FAM186A: variants seen among roughly 807,000 people sequenced by gnomAD.
FAM186A encodes family with sequence similarity 186 member A.
A neutral mutation model predicts 216.8 loss-of-function variants in FAM186A; 163 were observed. The ratio of observed to expected loss-of-function variants is 0.75; its 90% CI spans 0.66 to 0.86. The LOEUF is 0.86. Among genes scored for constraint, FAM186A ranks in the 40% least tolerant of loss-of-function variants. FAM186A has a pLI of 0.00. For synonymous variants in FAM186A, 805 were observed against 1,025.3 expected (o/e 0.79, Z 4.10); for missense variants, 2,184 against 2,746.2 (o/e 0.80, Z 4.58).
At chr12:50,337,435 A>G (rs1441907815) in intron 4 of FAM186A, among the ~76,000 whole-genome samples, 3 of 148,128 alleles carry the variant, frequency 2.0e-5, no homozygotes, top group African/African-American at 7.4e-5. Context: ...AGCTGGGACT[A>G]TAGGCACACC....
rs1004885603 is a variant in FAM186A, at chr12:50,396,506, G to A, written c.-22C>T. The A allele has an allele frequency of 2.8e-5, 43 of 1,526,908 alleles. No individual in the cohort carries two copies. The highest frequency in any genetic ancestry group is 1.8e-4 in the South Asian group (14 of 79,848). 94.6% of individuals were successfully genotyped at this position (1,526,908 alleles called of 1,614,324 possible). A position where few individuals can be genotyped will look rare whatever the true frequency, so the allele number is the denominator to read the frequency against. On this transcript the variant is annotated 5_prime_UTR_variant, in exon 1 of 8. It adds an upstream start codon to the 5' untranslated region. Coordinates refer to ENST00000327337, the MANE Select transcript of FAM186A (RefSeq NM_001145475.3). ...ACATTTTGAAAATGTGGGTGATTTC[G>A]TTTTATTTCTTCTTTTTCACAGAAT...
intron 4 of FAM186A, among the ~76,000 whole-genome samples, chr12:50,338,197 A>G (rs546985880): frequency 6.6e-5 from 10 of 152,008 alleles, no homozygotes; most frequent in Admixed American, 5.9e-4. Context: ...AACCCTTTCA[A>G]CCTTTCATTT....
chr12:50,345,522 G>A (rs893255214), intron 4 of FAM186A, among the ~76,000 whole-genome samples: 4 of 152,210 alleles, frequency 2.6e-5, no homozygotes, highest in African/African-American at 4.8e-5. Flanking sequence ...GTTAATTTTT[G>A]TATATGGTGA....
intron 6 of FAM186A, among the ~76,000 whole-genome samples, chr12:50,331,259 T>G (rs547132962): frequency 2.0e-5 from 3 of 152,282 alleles, no homozygotes; most frequent in South Asian, 2.1e-4. Context: ...TCTTTTTTTT[T>G]GAGACAGAGT....
At chr12:50,360,970 AATAACT>A in intron 2 of FAM186A, 44 bp from the exon 3 acceptor site, 1 of 1,434,478 alleles carries the variant, frequency 7.0e-7, no homozygotes, top group Non-Finnish European at 9.4e-7. Context: ...CAGAAAAATA[AATAACT>A]ATAGCTACAT....
chr12:50,388,210 C>T (rs1436130614), intron 1 of FAM186A, among the ~76,000 whole-genome samples: 1 of 152,134 alleles, frequency 6.6e-6, no homozygotes, highest in African/African-American at 2.4e-5. Context: ...CCAGTCCCAT[C>T]CTGAAGCTAG....
At chr12:50,387,936 G>A (rs1322917080) in intron 1 of FAM186A, among the ~76,000 whole-genome samples, 1 of 152,096 alleles carries the variant, frequency 6.6e-6, no homozygotes, top group Non-Finnish European at 1.5e-5. Flanking sequence ...ATCTGCCTAC[G>A]TGATTTCTTC....
At chr12:50,382,514 A>T (rs1318715098) in intron 1 of FAM186A, among the ~76,000 whole-genome samples, 2 of 152,120 alleles carry the variant, frequency 1.3e-5, no homozygotes, top group Non-Finnish European at 2.9e-5. Context: ...AGCCTGGCCA[A>T]CATGGTGAAA....
chr12:50,389,372 T>C (rs1453599391), intron 1 of FAM186A, among the ~76,000 whole-genome samples: 1 of 152,098 alleles, frequency 6.6e-6, no homozygotes, highest in Admixed American at 6.6e-5. Flanking sequence ...TGGTGGTGCA[T>C]GCCTGTAATT....
At chr12:50,369,028 G>GA (rs1437055223) in intron 1 of FAM186A, among the ~76,000 whole-genome samples, 1 of 148,300 alleles carries the variant, frequency 6.7e-6, no homozygotes, top group Non-Finnish European at 1.5e-5. Flanking sequence ...ATGAAAGAAT[G>GA]AAGTTGGATC....
chr12:50,391,392 T>C (rs1028534102), intron 1 of FAM186A, among the ~76,000 whole-genome samples: 2 of 151,948 alleles, frequency 1.3e-5, no homozygotes, highest in Non-Finnish European at 2.9e-5. Flanking sequence ...CTTGGCTCAC[T>C]GCAACCTCTG....
chr12:50,346,614 G>A (rs1055000749), intron 4 of FAM186A, among the ~76,000 whole-genome samples: 2 of 152,276 alleles, frequency 1.3e-5, no homozygotes, highest in African/African-American at 4.8e-5. Flanking sequence ...TTGGGAGGCC[G>A]AAGCGGGTGG....
At chr12:50,378,568 ATATATACACATATGTAAATTGTATAT>A (rs1943222096) in intron 1 of FAM186A, among the ~76,000 whole-genome samples, 1 of 18,372 alleles carries the variant, frequency 5.4e-5, no homozygotes, top group Admixed American at 1.3e-3. Context: ...GTATATATAT[ATATATACACATATGTAAATTGTATAT>A]ATATATATAC....
rs761855673 is a variant in FAM186A, at chr12:50,352,909, G to T, written c.3923C>A (p.Ala1308Glu). 4.6e-6 allele frequency: 7 copies of T among 1,535,106 alleles called. No individual in the cohort carries two copies. The change falls in exon 4 of 8, where the codon GCA becomes GAA. Residue 1308 changes from alanine (A) to glutamate (E), a missense_variant. Around this residue, in one of 7 missense-constraint regions of FAM186A, gnomAD observed 267 missense variants for 446.2 expected, o/e 0.60. Coordinates refer to ENST00000327337, the MANE Select transcript of FAM186A (RefSeq NM_001145475.3). ...TLGIPLTPKQ[A>E]QALGIPFTPQ... ...GGTGAAAGGGATCCCCAGAGCCTGT[G>T]CCTGCTTAGGGGTGAGAGGGATCCC...
At chr12:50,336,780 G>T (rs1417456916) in intron 4 of FAM186A, among the ~76,000 whole-genome samples, 1 of 151,928 alleles carries the variant, frequency 6.6e-6, no homozygotes, top group Non-Finnish European at 1.5e-5. Context: ...AGTGAAAGAT[G>T]AAAGGCTTTC....
At chr12:50,364,245 C>G (rs1481785874) in intron 1 of FAM186A, among the ~76,000 whole-genome samples, 2 of 152,102 alleles carry the variant, frequency 1.3e-5, no homozygotes, top group Admixed American at 6.6e-5. Flanking sequence ...AAGTCTTAAA[C>G]CAAACTCCTT....
intron 4 of FAM186A, among the ~76,000 whole-genome samples, chr12:50,340,595 G>C (rs915444961): frequency 6.6e-6 from 1 of 151,392 alleles, no homozygotes; most frequent in African/African-American, 2.4e-5. Context: ...AGGTCGCTTC[G>C]GCCCAGGAGT....
At chr12:50,328,969 A>T (rs1309318133) in intron 7 of FAM186A, among the ~76,000 whole-genome samples, 1 of 152,040 alleles carries the variant, frequency 6.6e-6, no homozygotes, top group Non-Finnish European at 1.5e-5. Context: ...TACAAAAAAA[A>T]TTAGCTAGGC....
intron 1 of FAM186A, among the ~76,000 whole-genome samples, chr12:50,380,521 CAAAAAAA>C (rs60955395): frequency 6.5e-5 from 5 of 76,440 alleles, no homozygotes; most frequent in African/African-American, 9.5e-5. Flanking sequence ...ACTAAAAATA[CAAAAAAA>C]AAAAAAAAAA....
Sources: allele counts gnomAD v4.1 joint callset (sites outside exome capture counted in the v4.1 genomes callset), GRCh38; gene constraint gnomAD v4.1.1; regional missense constraint gnomAD v4.1.1; transcripts MANE v1.5; gene names NCBI Gene and HGNC (gene_info 2026-07-23, HGNC 2026-07-21).